Variants in FASN observed in about 807,000 individuals in gnomAD.
FASN encodes the protein fatty acid synthase.
FASN carries 50 observed loss-of-function variants against 250.0 expected under a neutral mutation model. That is an observed-to-expected ratio of 0.20 (90% CI 0.16 to 0.25). FASN has a LOEUF of 0.25. Among genes scored for constraint, FASN ranks in the 10% least tolerant of loss-of-function variants. The pLI, the probability that FASN is intolerant of heterozygous loss-of-function variation, is 1.00. For synonymous variants in FASN, 1,909 were observed against 1,584.0 expected, an observed-to-expected ratio of 1.21 and a Z score of -4.87; for missense variants, 3,031 against 3,498.5, an observed-to-expected ratio of 0.87 and a Z score of 3.37.
At position 82,091,283 on chromosome 17, in the gene FASN, G is replaced by A. The variant is rs567264906; in HGVS notation, c.1431C>T (p.Arg477=). ...FRGYAVLGGE[R]GGPEVQQVPA... is the part of the protein sequence containing the mutation. The stretch of plus-strand genomic sequence containing the variant: ...GCACCTGCTGCACCTCTGGGCCACC[G>A]CGCTCACCACCCAGCACAGCGTAGC... The change falls in exon 9 of 43, where the codon CGC becomes CGT. Residue 477 remains arginine (R), a synonymous_variant. Coordinates refer to ENST00000306749, the MANE Select transcript of FASN (RefSeq NM_004104.5). 1.4e-4 allele frequency: 230 copies of A among 1,608,096 alleles called. 2 individuals are homozygous for A. The South Asian group carries it at 2.2e-3, about 16-fold the overall frequency.
Position 82,079,533 on chromosome 17 carries a change from G to A in FASN, c.7222C>T (p.His2408Tyr), listed in dbSNP as rs778458089. ...AGCTCCTGGCGGTCCAGGCCCTGGTGGCTCTTGATGATCAGGTCCACGGCG... is the reference window on the plus strand; with the variant it reads ...AGCTCCTGGCGGTCCAGGCCCTGGTAGCTCTTGATGATCAGGTCCACGGCG... ...AAAVDLIIKS[H>Y]QGLDRQELSF... The change falls in exon 42 of 43, where the codon CAC (histidine) becomes TAC (tyrosine). Residue 2408 changes from histidine (H) to tyrosine (Y), a missense_variant. By Grantham distance (83) the His-to-Tyr change is moderately conservative. Coordinates refer to ENST00000306749, the MANE Select transcript of FASN (RefSeq NM_004104.5). 2 of 1,610,598 alleles carry A rather than the reference G, an allele frequency of 1.2e-6. No homozygotes were observed. The highest frequency in any genetic ancestry group is 2.2e-5 in the South Asian group (2 of 91,084).
chr17:82,086,018 C>A, intron 22 of FASN, 147 bp from the exon 23 acceptor site: 1 of 1,225,806 alleles, frequency 8.2e-7, no homozygotes, highest in Non-Finnish European at 1.1e-6. Context: ...CGCATGGATG[C>A]CACTGGTCTT....
chr17:82,082,644 G>T lies in FASN; in HGVS notation c.5802C>A (p.Arg1934=). ...TGGACACCTGCACCTGTACGCCCTG[G>T]CGCCTCCACCGGCGGACCTGCTTGG... The part of the protein sequence containing the change: ...YQAKQVRRWR[R]QGVQVQVSTS... The change falls in exon 34 of 43, where the codon CGC becomes CGA. Residue 1934 remains arginine, a synonymous_variant. Coordinates refer to ENST00000306749, the MANE Select transcript of FASN (RefSeq NM_004104.5). 6.2e-7 allele frequency: 1 copy of T among 1,610,580 alleles called. No homozygotes were observed.
rs750312479 is a variant in FASN, at chr17:82,085,477, C to T, written c.4122+5G>A. 3.2e-5 allele frequency: 51 copies of T among 1,589,210 alleles called. No homozygotes were observed. The highest frequency in any genetic ancestry group is 4.6e-5 in the East Asian group (2 of 43,488). ...CCACCCTGTCCCCCTGCCCGGCGGCCGCACCTGGCTCAGGATGCCCTGGCC... is the reference window on the plus strand; with the variant it reads ...CCACCCTGTCCCCCTGCCCGGCGGCTGCACCTGGCTCAGGATGCCCTGGCC... On this transcript the variant is annotated splice_donor_5th_base_variant and intron_variant, in intron 23 of 42. Coordinates refer to ENST00000306749, the MANE Select transcript of FASN (RefSeq NM_004104.5).
chr17:82,079,069 G>A lies in FASN; in HGVS notation c.*74C>T, dbSNP rs976500123. On this transcript the variant is annotated 3_prime_UTR_variant, in exon 43 of 43. Transcript: ENST00000306749. ...CCCACCGGCAGGACCCTTCAATCCCGTTGCATGGCGGGGGTGGGGTGGGGT... is the reference window on the plus strand; with the variant it reads ...CCCACCGGCAGGACCCTTCAATCCCATTGCATGGCGGGGGTGGGGTGGGGT... 16 of 1,461,002 alleles carry A rather than the reference G, an allele frequency of 1.1e-5. No individual in the cohort carries two copies. Among genetic ancestry groups the A allele is most frequent in the African/African-American group, 4.5e-5 (3 of 66,914 alleles). The allele number at this position is 1,461,002 out of a possible 1,614,324, so 90.5% of individuals were successfully genotyped here.
At chr17:82,083,670 C>G in intron 30 of FASN, 31 bp from the exon 31 acceptor site, 1 of 1,603,830 alleles carries the variant, frequency 6.2e-7, no homozygotes, top group Non-Finnish European at 8.5e-7. Context: ...GACAATCACA[C>G]CCACTGCAAG....
Position 82,091,289 on chromosome 17 carries a change from A to G in FASN, c.1425T>C (p.Gly475=), listed in dbSNP as rs2144803047. 4 of 1,608,526 alleles carry G rather than the reference A, an allele frequency of 2.5e-6. No homozygotes were observed. Among genetic ancestry groups the G allele is most frequent in the Non-Finnish European group, 3.4e-6 (4 of 1,178,190 alleles). The change falls in exon 9 of 43, where the codon GGT becomes GGC. Residue 475 remains glycine, a synonymous_variant. Transcript: ENST00000306749. ...MPFRGYAVLG[G]ERGGPEVQQV... ...GCTGCACCTCTGGGCCACCGCGCTC[A>G]CCACCCAGCACAGCGTAGCCACGGA... is the stretch of plus-strand genomic sequence containing the variant.
Position 82,084,008 on chromosome 17 carries a change from G to C in FASN, c.5065C>G (p.Leu1689Val), listed in dbSNP as rs1159576564. The change falls in exon 29 of 43, where the codon CTC becomes GTC. Residue 1689 changes from leucine to valine, a missense_variant. Transcript: ENST00000306749. ...GTGAAGACGCGGCAGCCCAGACTGA[G>C]GGCGATGGCGATGGCGGCCTGGCCC... Reference protein sequence around the residue: ...GVGQAAIAIALSLGCRVFTTV... With the variant: ...GVGQAAIAIAVSLGCRVFTTV... 6.5e-7 allele frequency: 1 copy of C among 1,539,200 alleles called. No homozygotes were observed.
At position 82,084,773 on chromosome 17, in the gene FASN, G is replaced by A. The variant is rs377389633; in HGVS notation, c.4564+26C>T. On this transcript the variant is annotated intron_variant, in intron 26 of 42. Transcript: ENST00000306749. ...GGCCTTCGGGTGCAGTCTCCCGGGA[G>A]GGGCAGGGCAGTGTCGGGGGCTCAC... 24 of 1,550,154 alleles carry A rather than the reference G, an allele frequency of 1.5e-5. No individual in the cohort carries two copies. The East Asian group carries it at 2.7e-4, about 17-fold the overall frequency.
Position 82,084,123 on chromosome 17 carries a change from G to A in FASN, c.4950C>T (p.Val1650=), listed in dbSNP as rs574117210. The stretch of plus-strand genomic sequence containing the variant: ...GCGCGTAGTAGGCCGTGCTGTAGAC[G>A]ACAGGCACCGAGGCCGCCTCCTCCA... ...WTLEEAASVP[V]VYSTAYYALV... The change falls in exon 29 of 43, where the codon GTC becomes GTT. Residue 1650 remains valine (V), a synonymous_variant. Transcript: ENST00000306749. 71 of 1,583,742 alleles carry A rather than the reference G, an allele frequency of 4.5e-5. 1 individual carries two copies. The Admixed American group carries it at 6.5e-4, about 15-fold the overall frequency.
Position 82,083,430 on chromosome 17 carries a change from G to A in FASN, c.5342-5C>T, listed in dbSNP as rs775142461. On this transcript the variant is annotated splice_region_variant and splice_polypyrimidine_tract_variant and intron_variant, in intron 31 of 42. Coordinates refer to ENST00000306749, the MANE Select transcript of FASN (RefSeq NM_004104.5). The stretch of plus-strand genomic sequence containing the variant: ...TCTTCAGGAAGATAGCCATGCCTGC[G>A]GGCAGGGGCCGTGCTCACCCAGGGC... 1.3e-5 allele frequency: 21 copies of A among 1,612,548 alleles called. No individual in the cohort carries two copies. In the Admixed American group the frequency reaches 1.7e-4, roughly 13 times the overall value.
rs1282513365 is a variant in FASN, at chr17:82,091,538, G to A, written c.1176C>T (p.Ser392=). ...GCACGTTGGAGCCCCCGAAGCCAAAGGAGTTGATGCCCACGTTGCCGCCAC... is the reference window on the plus strand; with the variant it reads ...GCACGTTGGAGCCCCCGAAGCCAAAAGAGTTGATGCCCACGTTGCCGCCAC... ...PVRGGNVGIN[S]FGFGGSNVHI... Residue 392 remains serine, a synonymous_variant, in exon 9 of 43, where the codon TCC becomes TCT. Coordinates refer to ENST00000306749, the MANE Select transcript of FASN (RefSeq NM_004104.5). 5.0e-6 allele frequency: 8 copies of A among 1,601,436 alleles called. No individual in the cohort carries two copies. The highest frequency in any genetic ancestry group is 2.3e-5 in the East Asian group (1 of 44,236).
chr17:82,089,520 GC>G, intron 12 of FASN, 111 bp downstream of exon 12: 1 of 1,552,100 alleles, frequency 6.4e-7, no homozygotes, highest in Non-Finnish European at 8.8e-7. Context: ...CCTGCCCCAT[GC>G]CCCAGGCCCG....
chr17:82,095,201 G>C, intron 3 of FASN, 119 bp downstream of exon 3: 1 of 1,274,918 alleles, frequency 7.8e-7, no homozygotes. Context: ...CAGGGGCACA[G>C]CCGGGGAGGG....
rs770754783 is a variant in FASN, at chr17:82,083,607, C to T, written c.5251G>A (p.Glu1751Lys). The change falls in exon 31 of 43, where the codon GAG becomes AAG. Residue 1751 changes from glutamate to lysine, a missense_variant. Physicochemically the swap from Glu to Lys is moderately conservative, Grantham distance 56. Coordinates refer to ENST00000306749, the MANE Select transcript of FASN (RefSeq NM_004104.5). ...CACCTCACGCTGGCCTGCAGCTTCT[C>T]TTCCGCCAAGGAGTTCAAGACCAGG... is the stretch of plus-strand genomic sequence containing the variant. The part of the protein sequence containing the change: ...VDLVLNSLAE[E>K]KLQASVRCLA... The T allele has an allele frequency of 1.2e-5, 20 of 1,611,396 alleles. No homozygotes were observed. The highest frequency in any genetic ancestry group is 1.5e-5 in the Non-Finnish European group (18 of 1,179,430).
Position 82,087,195 on chromosome 17 carries a change from G to C in FASN, c.3282C>G (p.Ile1094Met). 6.2e-7 allele frequency: 1 copy of C among 1,607,446 alleles called. No homozygotes were observed. Among genetic ancestry groups the C allele is most frequent in the East Asian group, 2.2e-5 (1 of 44,688 alleles). ...LRVTVAGGVH[I>M]SGLHTESAPR... Reference sequence around the variant, plus strand: ...GGGCCGACTCAGTGTGGAGCCCGGAGATGTGGACGCCTCCGGCCACTGTGA... The same window carrying C: ...GGGCCGACTCAGTGTGGAGCCCGGACATGTGGACGCCTCCGGCCACTGTGA... The change falls in exon 21 of 43, where the codon ATC (isoleucine) becomes ATG (methionine). Residue 1094 changes from isoleucine (I) to methionine (M), a missense_variant. Coordinates refer to ENST00000306749, the MANE Select transcript of FASN (RefSeq NM_004104.5).
chr17:82,083,361 C>G lies in FASN; in HGVS notation c.5406G>C (p.Glu1802Asp), dbSNP rs776117487. ...ACACCTCCCGCCAGTCAGCACTGCT[C>G]TCGTTGAAGAACGCATCCAGTAGGA... ...HGVLLDAFFNESSADWREVWA... is the reference protein window; with the variant it reads ...HGVLLDAFFNDSSADWREVWA... Residue 1802 changes from glutamate (E) to aspartate (D), a missense_variant, in exon 32 of 43, where the codon GAG (glutamate) becomes GAC (aspartate). Transcript: ENST00000306749. The G allele has an allele frequency of 1.2e-6, 2 of 1,612,882 alleles. No individual in the cohort carries two copies. Among genetic ancestry groups the G allele is most frequent in the African/African-American group, 1.3e-5 (1 of 75,056 alleles).
At chr17:82,097,850 G>T (rs1335977553) in intron 1 of FASN, among the ~76,000 whole-genome samples, 1 of 152,056 alleles carries the variant, frequency 6.6e-6, no homozygotes, top group Admixed American at 6.5e-5. Flanking sequence ...TTCAGGGTCC[G>T]CGGCCTCCCC....
rs764826754 is a variant in FASN, at chr17:82,088,167, C to G, written c.2734G>C (p.Val912Leu). 3 of 1,612,794 alleles carry G rather than the reference C, an allele frequency of 1.9e-6. No homozygotes were observed. Among genetic ancestry groups the G allele is most frequent in the East Asian group, 2.2e-5 (1 of 44,884 alleles). Reference protein sequence around the residue: ...ALGLGVEQLPVVFEDVVLHQA... With the variant: ...ALGLGVEQLPLVFEDVVLHQA... ...TGCAGCACCACATCCTCAAACACCACAGGCAGCTGCTCGACGCCCAGGCCC... is the reference window on the plus strand; with the variant it reads ...TGCAGCACCACATCCTCAAACACCAGAGGCAGCTGCTCGACGCCCAGGCCC... The change falls in exon 17 of 43, where the codon GTG (valine) becomes CTG (leucine). Residue 912 changes from valine to leucine, a missense_variant. Transcript: ENST00000306749.
Sources: allele counts gnomAD v4.1 joint callset (sites outside exome capture counted in the v4.1 genomes callset), GRCh38; gene constraint gnomAD v4.1.1; transcripts MANE v1.5; gene names NCBI Gene and HGNC (gene_info 2026-07-23, HGNC 2026-07-21).